The following SLC2A9 variants were observed in gnomAD, a reference collection of about 807,000 sequenced individuals.
The protein encoded by SLC2A9 is solute carrier family 2, facilitated glucose transporter member 9.
A neutral mutation model predicts 50.6 loss-of-function variants in SLC2A9; 39 were observed. That is an observed-to-expected ratio of 0.77 (90% CI 0.60 to 1.01). The LOEUF (loss-of-function observed/expected upper bound fraction) is 1.01, where lower values mean the gene tolerates loss of function less well. Ranked by LOEUF, SLC2A9 falls within the 50% of genes least tolerant of loss-of-function variation. SLC2A9 has a pLI of 0.00. For synonymous variants in SLC2A9, 324 were observed against 276.9 expected (o/e 1.17, Z -1.69); for missense variants, 686 against 677.6 (o/e 1.01, Z -0.14).
chr4:9,989,410 T>TTC (rs1006964559), intron 3 of SLC2A9, among the ~76,000 whole-genome samples: 1 of 152,070 alleles, frequency 6.6e-6, no homozygotes. Flanking sequence ...TTCATATGTT[T>TTC]TCTCTCTCTC....
intron 7 of SLC2A9, among the ~76,000 whole-genome samples, chr4:9,910,996 T>TG (rs1488647973): frequency 4.6e-5 from 3 of 65,540 alleles, no homozygotes; most frequent in Non-Finnish European, 1.7e-4. Flanking sequence ...CAGGGCCTGT[T>TG]GGGGTGTGGG....
At chr4:9,948,143 T>C (rs79276469) in intron 5 of SLC2A9, among the ~76,000 whole-genome samples, 1,973 of 151,924 alleles carry the variant, frequency 0.013, 49 homozygotes, top group African/African-American at 0.044. Flanking sequence ...TTACCTTCCA[T>C]GACACACTCT....
intron 10 of SLC2A9, among the ~76,000 whole-genome samples, chr4:9,865,206 C>T (rs1732254730): frequency 6.6e-6 from 1 of 152,240 alleles, no homozygotes; most frequent in Non-Finnish European, 1.5e-5. Context: ...TTGGCTATTA[C>T]AGCTAAAGGT....
chr4:9,854,175 A>C (rs549644466), intron 10 of SLC2A9, among the ~76,000 whole-genome samples: 26 of 152,200 alleles, frequency 1.7e-4, no homozygotes, highest in Non-Finnish European at 3.5e-4. Context: ...CACACAAAAA[A>C]TACAAAATAT....
intron 5 of SLC2A9, among the ~76,000 whole-genome samples, chr4:9,968,877 G>A (rs1753457932): frequency 6.6e-6 from 1 of 151,946 alleles, no homozygotes; most frequent in Non-Finnish European, 1.5e-5. Flanking sequence ...GACTTTAAGG[G>A]TTAAAGTTTT....
chr4:9,779,603 A>C (rs1718051473), downstream of SLC2A9, among the ~76,000 whole-genome samples: 1 of 151,750 alleles, frequency 6.6e-6, no homozygotes, highest in Non-Finnish European at 1.5e-5. Context: ...TTTAGTAGAG[A>C]GGGAGTTTCA....
chr4:9,957,525 CAA>C (rs1234944635), intron 5 of SLC2A9, among the ~76,000 whole-genome samples: 2 of 152,062 alleles, frequency 1.3e-5, no homozygotes, highest in Admixed American at 6.5e-5. Context: ...CAATCTGGAG[CAA>C]AGAGACAAAA....
At chr4:9,839,720 G>T (rs1488070493) in intron 10 of SLC2A9, among the ~76,000 whole-genome samples, 1 of 152,088 alleles carries the variant, frequency 6.6e-6, no homozygotes, top group African/African-American at 2.4e-5. Flanking sequence ...CAAACTAAAT[G>T]CAGGAACAGA....
chr4:9,907,911 TA>T (rs1294805054), intron 8 of SLC2A9, among the ~76,000 whole-genome samples: 4 of 152,216 alleles, frequency 2.6e-5, no homozygotes, highest in Non-Finnish European at 5.9e-5. Flanking sequence ...CATGCTCCTC[TA>T]AAGAGATGCC....
chr4:9,970,546 G>C (rs1753733565), intron 5 of SLC2A9, among the ~76,000 whole-genome samples: 1 of 152,060 alleles, frequency 6.6e-6, no homozygotes, highest in Admixed American at 6.5e-5. Flanking sequence ...TGGCAGTTTT[G>C]AGTTCTCAGT....
intron 5 of SLC2A9, among the ~76,000 whole-genome samples, chr4:9,956,899 A>G (rs1322541461): frequency 6.6e-6 from 1 of 152,218 alleles, no homozygotes; most frequent in Non-Finnish European, 1.5e-5. Context: ...GGCAATGGTG[A>G]GCAAGAGGTT....
intron 10 of SLC2A9, among the ~76,000 whole-genome samples, chr4:9,842,680 C>T (rs1216869153): frequency 3.3e-5 from 5 of 152,196 alleles, no homozygotes; most frequent in Non-Finnish European, 5.9e-5. Context: ...ATGTGTCTTG[C>T]ACAGGGTACT....
At chr4:9,825,081 TAAGTC>T (rs1724917446), downstream of SLC2A9, among the ~76,000 whole-genome samples, 1 of 152,252 alleles carries the variant, frequency 6.6e-6, no homozygotes, top group Admixed American at 6.5e-5. Context: ...GTGGTATTGC[TAAGTC>T]AAGTCCTCTC....
At chr4:9,959,731 T>C (rs1015146232) in intron 5 of SLC2A9, among the ~76,000 whole-genome samples, 7 of 152,226 alleles carry the variant, frequency 4.6e-5, no homozygotes, top group African/African-American at 1.4e-4. Context: ...ACTTTTCCTT[T>C]GGGGTTCCCT....
rs115810674 is a variant in SLC2A9 at position 9,978,707 on chromosome 4, G to A, written c.681+1885C>T. Among the ~76,000 whole-genome samples, 1,437 of 152,306 alleles carry A rather than the reference G, an allele frequency of 9.4e-3. 27 individuals are homozygous for A. Among genetic ancestry groups the A allele is most frequent in the African/African-American group, 0.033 (1,386 of 41,564 alleles). ...TATGACAACCACAAATGTAAAATGT[G>A]AGTTGTTTCTGTTTTTGCAAAAGAA... On this transcript the variant is annotated intron_variant, in intron 5 of 11. Coordinates refer to ENST00000264784, the MANE Select transcript of SLC2A9 (RefSeq NM_020041.3).
chr4:10,024,950 T>C (rs116108158), upstream of SLC2A9, among the ~76,000 whole-genome samples: 1,904 of 152,336 alleles, frequency 0.012, 15 homozygotes, highest in Middle Eastern at 0.02. Flanking sequence ...CAAGAAAAGA[T>C]ATAGCGTCCA....
chr4:9,826,650 G>T (rs775750081), intron 11 of SLC2A9, 50 bp from the exon 12 acceptor site: 16 of 1,547,032 alleles, frequency 1.0e-5, no homozygotes, highest in Admixed American at 8.4e-5. Flanking sequence ...CAGTAAACTT[G>T]CTGTTAAACC....
chr4:9,815,891 C>T (rs923910924), intron 3 of SLC2A9, among the ~76,000 whole-genome samples: 9 of 152,086 alleles, frequency 5.9e-5, no homozygotes, highest in African/African-American at 1.9e-4. Flanking sequence ...AAAATGAGGC[C>T]GGGCACGGTA....
At position 10,018,968 on chromosome 4, in the gene SLC2A9, C is replaced by T. The variant is rs1438582610; in HGVS notation, c.249+7G>A. On this transcript the variant is annotated splice_region_variant and intron_variant, in intron 2 of 11. Coordinates refer to ENST00000264784, the MANE Select transcript of SLC2A9 (RefSeq NM_020041.3). ...GCGCCCTCTGCCGGGCCTTGGCGCG[C>T]ACTCACCGGGGTGGGGGCATTCACC... The T allele has an allele frequency of 2.6e-6, 4 of 1,549,398 alleles. No individual in the cohort carries two copies. In the East Asian group the frequency reaches 7.3e-5, roughly 28 times the overall value.
Sources: allele counts gnomAD v4.1 joint callset (sites outside exome capture counted in the v4.1 genomes callset), GRCh38; gene constraint gnomAD v4.1.1; transcripts MANE v1.5; gene names NCBI Gene and HGNC (gene_info 2026-07-23, HGNC 2026-07-21).